The following INTS3 variants were observed in gnomAD, a reference collection of about 807,000 sequenced individuals.
INTS3 encodes SOSS complex subunit A.
In INTS3, 34 loss-of-function variants were observed where a neutral mutation model predicts 146.3. The ratio of observed to expected loss-of-function variants is 0.23; its 90% CI spans 0.18 to 0.31. INTS3 has a LOEUF of 0.31. Among genes scored for constraint, INTS3 ranks in the 10% least tolerant of loss-of-function variants. The pLI is 1.00. For synonymous variants in INTS3, 475 were observed against 494.9 expected (o/e 0.96, Z 0.53); for missense variants, 757 against 1,304.2 (o/e 0.58, Z 6.46).
Position 153,760,329 on chromosome 1 carries a change from T to C in INTS3, c.1256T>C (p.Met419Thr). 2 of 1,612,258 alleles carry C rather than the reference T, an allele frequency of 1.2e-6. No individual in the cohort carries two copies. Among genetic ancestry groups the C allele is most frequent in the Non-Finnish European group, 1.7e-6 (2 of 1,179,496 alleles). ...IMNIEPAILV[M>T]HHSMKPHPAI... is the part of the protein sequence containing the mutation. ...CCTCCAGAACCAGCCATCCTGGTCA[T>C]GCACCACTCCATGAAGCCCCACCCA... Residue 419 changes from methionine (M) to threonine (T), a missense_variant, in exon 12 of 30, where the codon ATG (methionine) becomes ACG (threonine). By Grantham distance (81) the Met-to-Thr change is moderately conservative (BLOSUM62 -1). Coordinates refer to ENST00000318967, the MANE Select transcript of INTS3 (RefSeq NM_023015.5).
chr1:153,765,177 C>A, intron 20 of INTS3, 114 bp downstream of exon 20: 1 of 1,179,236 alleles, frequency 8.5e-7, no homozygotes, highest in Non-Finnish European at 1.2e-6. Flanking sequence ...CTTTGTGGGT[C>A]TGTTTGGTTG....
At chr1:153,744,105 T>C (rs1289586094) in intron 3 of INTS3, among the ~76,000 whole-genome samples, 1 of 151,286 alleles carries the variant, frequency 6.6e-6, no homozygotes, top group African/African-American at 2.4e-5. Context: ...TTTTCCAAGC[T>C]GGTCAGCAAA....
At chr1:153,762,403 C>T (rs1162687259) in intron 14 of INTS3, among the ~76,000 whole-genome samples, 1 of 152,224 alleles carries the variant, frequency 6.6e-6, no homozygotes, top group Admixed American at 6.5e-5. Context: ...GAGATGGCGC[C>T]ACTGCACTCC....
At chr1:153,743,946 A>G (rs1175677277) in intron 3 of INTS3, among the ~76,000 whole-genome samples, 1 of 151,876 alleles carries the variant, frequency 6.6e-6, no homozygotes, top group Non-Finnish European at 1.5e-5. Flanking sequence ...TGCTCTTGAC[A>G]CATTCAGGAT....
intron 8 of INTS3, 61 bp from the exon 9 acceptor site, chr1:153,754,581 C>T: frequency 8.6e-7 from 1 of 1,157,806 alleles, no homozygotes; most frequent in Non-Finnish European, 1.3e-6. Context: ...TCCCAACATG[C>T]CTTTCATTCT....
At position 153,772,284 on chromosome 1, in the gene INTS3, C is replaced by G; in HGVS notation, c.2721-56C>G. 6.3e-7 allele frequency: 1 copy of G among 1,580,854 alleles called. No homozygotes were observed. On this transcript the variant is annotated intron_variant, in intron 26 of 29. Transcript: ENST00000318967. The surrounding 1 kb of genome is among the most constrained non-coding windows in gnomAD (Gnocchi z 4.6). ...GGGGGCCCTGGCGGGTGGAGGGTGT[C>G]TCGCACTCTGGAACCCTCCCACACT...
chr1:153,763,838 G>A lies in INTS3; in HGVS notation c.1773G>A (p.Thr591=), dbSNP rs757222211. ...KVLQLQKGSD[T]EAQCEVMQEI... ...TCTCATTTCTGTCCTGCAGTGATACGGAGGCCCAGTGTGAGGTCATGCAGG... is the reference window on the plus strand; with the variant it reads ...TCTCATTTCTGTCCTGCAGTGATACAGAGGCCCAGTGTGAGGTCATGCAGG... The change falls in exon 17 of 30, where the codon ACG becomes ACA. Residue 591 remains threonine (T), a synonymous_variant. Transcript: ENST00000318967. 1.4e-5 allele frequency: 22 copies of A among 1,613,704 alleles called. No homozygotes were observed. Among genetic ancestry groups the A allele is most frequent in the Middle Eastern group, 1.6e-4 (1 of 6,082 alleles).
rs915470244 is a variant in INTS3 at position 153,744,913 on chromosome 1, T to C, written c.319-2044T>C. ...ATACAAGAGGTGGTTAAGCATGTTA[T>C]AGAATTGGAGTGCCTGGATTTGAAT... On this transcript the variant is annotated intron_variant, in intron 3 of 29. Coordinates refer to ENST00000318967, the MANE Select transcript of INTS3 (RefSeq NM_023015.5). 7.2e-5 allele frequency among the ~76,000 whole-genome samples: 11 copies of C among 152,308 alleles called. No homozygotes were observed. The South Asian group carries it at 1.4e-3, about 20-fold the overall frequency.
Position 153,754,661 on chromosome 1 carries a change from G to A in INTS3, c.879G>A (p.Gln293=), listed in dbSNP as rs1291554706. The change falls in exon 9 of 30, where the codon CAG becomes CAA. Residue 293 remains glutamine, a synonymous_variant. Transcript: ENST00000318967. ...ATTCAGGTATCCTACAGCTTCTTCA[G>A]TCAAGAACATCCCGAAAATTCCTAG... ...PQFTGILQLL[Q]SRTSRKFLAC... The A allele has an allele frequency of 1.2e-6, 2 of 1,612,126 alleles. No individual in the cohort carries two copies. The highest frequency in any genetic ancestry group is 1.1e-5 in the South Asian group (1 of 91,048).
rs974310354 is a variant in INTS3, at chr1:153,728,289, C to T, written c.-346C>T. 2.6e-5 allele frequency: 10 copies of T among 391,112 alleles called. No homozygotes were observed. Among genetic ancestry groups the T allele is most frequent in the Non-Finnish European group, 3.6e-5 (8 of 221,794 alleles). 24.2% of individuals were successfully genotyped at this position (391,112 alleles called of 1,614,324 possible). A position where few individuals can be genotyped will look rare whatever the true frequency, so the allele number is the denominator to read the frequency against. On this transcript the variant is annotated 5_prime_UTR_variant, in exon 1 of 30. Transcript: ENST00000318967. ...AAAGAGGCAGAAACTTAGGGGTTTC[C>T]CTCCTTTCTTAGGGTCAGACGCTCT... is the stretch of plus-strand genomic sequence containing the variant.
At chr1:153,731,508 G>A (rs542861298) in intron 1 of INTS3, among the ~76,000 whole-genome samples, 2 of 151,164 alleles carry the variant, frequency 1.3e-5, no homozygotes, top group South Asian at 4.2e-4. Context: ...GTAGCTCCTG[G>A]TTTTTCTTCT....
Position 153,759,534 on chromosome 1 carries a change from C to T in INTS3, c.1158C>T (p.Val386=), listed in dbSNP as rs201003265. The change falls in exon 11 of 30, where the codon GTC becomes GTT. Residue 386 remains valine (V), a synonymous_variant. Coordinates refer to ENST00000318967, the MANE Select transcript of INTS3 (RefSeq NM_023015.5). ...GWLLTTCTSN[V]AASNAKLALF... Reference sequence around the variant, plus strand: ...TCCCCTCTCTTTTCCAGTCAAATGTCGCTGCCTCCAATGCCAAGCTGGCTT... The same window carrying T: ...TCCCCTCTCTTTTCCAGTCAAATGTTGCTGCCTCCAATGCCAAGCTGGCTT... The T allele has an allele frequency of 2.2e-5, 35 of 1,611,964 alleles. No homozygotes were observed. The highest frequency in any genetic ancestry group is 2.0e-4 in the Admixed American group (12 of 60,000).
chr1:153,740,821 G>C (rs1671501743), intron 2 of INTS3, 87 bp downstream of exon 2: 3 of 1,065,844 alleles, frequency 2.8e-6, no homozygotes, highest in Admixed American at 3.4e-5. Flanking sequence ...TAAGTGGTTG[G>C]GGGTAGGGGA....
chr1:153,768,842 T>G (rs1167529587), intron 21 of INTS3, 51 bp from the exon 22 acceptor site: 1 of 1,437,130 alleles, frequency 7.0e-7, no homozygotes, highest in Admixed American at 1.7e-5. Flanking sequence ...GGCTATGGGA[T>G]AAAAGCTGAG....
rs1049587319 is a variant in INTS3 at position 153,757,447 on chromosome 1, T to C, written c.958-125T>C. ...GGGAGACTTACGAGACAGTATGAGC[T>C]AATGAATGAATTGTGGAGAAATAGA... On this transcript the variant is annotated intron_variant, in intron 9 of 29. Coordinates refer to ENST00000318967, the MANE Select transcript of INTS3 (RefSeq NM_023015.5). The surrounding 1 kb of genome is among the most constrained non-coding windows in gnomAD (Gnocchi z 4.0). The C allele has an allele frequency of 1.2e-5, 9 of 729,354 alleles. No individual in the cohort carries two copies. In the African/African-American group the frequency reaches 1.4e-4, roughly 11 times the overall value. The allele number at this position is 729,354 out of a possible 1,614,324, so 45.2% of individuals were successfully genotyped here.
intron 20 of INTS3, among the ~76,000 whole-genome samples, chr1:153,765,300 C>T (rs564088203): frequency 6.6e-6 from 1 of 152,112 alleles, no homozygotes; most frequent in African/African-American, 2.4e-5. Context: ...ATCCTCCCCC[C>T]TCAGCATCCT....
At chr1:153,740,961 G>A (rs535885727) in intron 2 of INTS3, among the ~76,000 whole-genome samples, 24 of 152,098 alleles carry the variant, frequency 1.6e-4, no homozygotes, top group African/African-American at 2.4e-4. Flanking sequence ...ATGTGGTCTC[G>A]CTATGTTGCC....
In INTS3 at chr1:153,772,969, C is replaced by T; in HGVS notation, c.2939C>T (p.Ser980Phe). Reference protein sequence around the residue: ...FSLAEEYEDSSTKPPKSRRKA... With the variant: ...FSLAEEYEDSFTKPPKSRRKA... ...CTGGCGGAGGAATATGAGGACTCTTCCACCAAGCCACCCAAGAGCCGGCGA... is the reference window on the plus strand; with the variant it reads ...CTGGCGGAGGAATATGAGGACTCTTTCACCAAGCCACCCAAGAGCCGGCGA... Residue 980 changes from serine to phenylalanine, a missense_variant, in exon 29 of 30, where the codon TCC becomes TTC. Ser to Phe is a radical substitution (Grantham distance 155). Coordinates refer to ENST00000318967, the MANE Select transcript of INTS3 (RefSeq NM_023015.5). The surrounding 1 kb of genome is among the most constrained non-coding windows in gnomAD (Gnocchi z 4.6). 6.2e-7 allele frequency: 1 copy of T among 1,614,156 alleles called. No homozygotes were observed. The highest frequency in any genetic ancestry group is 8.5e-7 in the Non-Finnish European group (1 of 1,180,038).
chr1:153,751,138 T>A lies in INTS3; in HGVS notation c.628T>A (p.Tyr210Asn), dbSNP rs763976321. ...KSSILIAMAV[Y>N]TYLRLIVDHH... ...CAGCATCCTCATTGCCATGGCTGTT[T>A]ACACGTACCTCCGCCTCATCGTGGA... Residue 210 changes from tyrosine (Y) to asparagine (N), a missense_variant, in exon 7 of 30, where the codon TAC (tyrosine) becomes AAC (asparagine). Around this residue, in one of 8 missense-constraint regions of INTS3, gnomAD observed 134 missense variants for 243.1 expected, o/e 0.55. Coordinates refer to ENST00000318967, the MANE Select transcript of INTS3 (RefSeq NM_023015.5). 83 of 1,614,082 alleles carry A rather than the reference T, an allele frequency of 5.1e-5. No individual in the cohort carries two copies. Among genetic ancestry groups the A allele is most frequent in the Non-Finnish European group, 6.9e-5 (81 of 1,180,028 alleles).
Sources: gnomAD v4.1 joint callset for allele counts (sites outside exome capture counted in the v4.1 genomes callset) on GRCh38, gnomAD v4.1.1 for gene constraint, gnomAD v4.1.1 regional missense constraint, Gnocchi (gnomAD v3.1) non-coding constraint, MANE v1.5 for transcripts, NCBI Gene and HGNC (gene_info 2026-07-23, HGNC 2026-07-21) for gene names.